The following ABCC1 variants were observed in gnomAD, a reference collection of about 807,000 sequenced individuals.
The protein encoded by ABCC1 is multidrug resistance-associated protein 1.
In ABCC1, 83 loss-of-function variants were observed where a neutral mutation model predicts 172.9. The ratio of observed to expected loss-of-function variants is 0.48; its 90% confidence interval spans 0.40 to 0.58. The LOEUF (loss-of-function observed/expected upper bound fraction) is 0.58, where lower values mean the gene tolerates loss of function less well. Ranked by LOEUF, ABCC1 falls within the 20% of genes least tolerant of loss-of-function variation. ABCC1 has a pLI of 0.00. For synonymous variants in ABCC1, 937 were observed against 825.2 expected (o/e 1.14, Z -2.32); for missense variants, 1,817 against 2,002.7 (o/e 0.91, Z 1.77).
chr16:15,999,637 AAG>A (rs2047179071), intron 1 of ABCC1, among the ~76,000 whole-genome samples: 1 of 150,296 alleles, frequency 6.7e-6, no homozygotes, highest in Non-Finnish European at 1.5e-5. Flanking sequence ...AAAATAGAAA[AAG>A]AAAAATAAAA....
intron 7 of ABCC1, among the ~76,000 whole-genome samples, chr16:16,041,581 A>G (rs1467768201): frequency 7.2e-5 from 11 of 152,018 alleles, no homozygotes; most frequent in Non-Finnish European, 1.6e-4. Flanking sequence ...GAACCTGGAG[A>G]GAGTGAGAAG....
chr16:15,958,977 C>A (rs998276037), intron 1 of ABCC1, among the ~76,000 whole-genome samples: 2 of 152,204 alleles, frequency 1.3e-5, no homozygotes, highest in Non-Finnish European at 2.9e-5. Context: ...GTTGTGACAA[C>A]CGAAAATGCC....
rs746264022 is a variant in ABCC1, at chr16:16,083,494, A to G, written c.2244A>G (p.Pro748=). ...TGATACAGGCCTGTGCCCTCCTCCC[A>G]GACCTGGAAATCCTGCCCAGTGGGG... is the stretch of plus-strand genomic sequence containing the variant. The part of the protein sequence containing the change: ...RSVIQACALL[P]DLEILPSGDR... Residue 748 remains proline (P), a synonymous_variant, in exon 17 of 31, where the codon CCA becomes CCG. Transcript: ENST00000399410. The G allele has an allele frequency of 2.5e-6, 4 of 1,613,762 alleles. No homozygotes were observed. Among genetic ancestry groups the G allele is most frequent in the Admixed American group, 1.7e-5 (1 of 60,002 alleles).
intron 1 of ABCC1, among the ~76,000 whole-genome samples, chr16:15,993,359 T>G (rs2046940521): frequency 6.6e-6 from 1 of 152,138 alleles, no homozygotes; most frequent in Admixed American, 6.6e-5. Flanking sequence ...CTGATAACTC[T>G]CTAAACTCTG....
At chr16:15,960,910 G>A (rs28435381) in intron 1 of ABCC1, among the ~76,000 whole-genome samples, 3,257 of 151,952 alleles carry the variant, frequency 0.021, 91 homozygotes, top group African/African-American at 0.067. Context: ...CAGGGAAGGC[G>A]CTTACCAGCT....
intron 1 of ABCC1, among the ~76,000 whole-genome samples, chr16:15,971,544 A>G (rs215088): frequency 0.66 from 99,961 of 151,994 alleles, 33,476 homozygotes; most frequent in South Asian, 0.78. Context: ...CTTAACTCCT[A>G]CATTACCCCC....
In ABCC1 at chr16:15,949,661, T is replaced by C; in HGVS notation, c.-91T>C. 1 of 717,238 alleles carries C rather than the reference T, an allele frequency of 1.4e-6. No homozygotes were observed. Among genetic ancestry groups the C allele is most frequent in the Non-Finnish European group, 1.7e-6 (1 of 600,696 alleles). 44.4% of individuals were successfully genotyped at this position (717,238 alleles called of 1,614,324 possible). A position where few individuals can be genotyped will look rare whatever the true frequency, so the allele number is the denominator to read the frequency against. ...CGCTAGCGCCAGCAGCCGGGCCCGA[T>C]CACCCGCCGCCCGGTGCCCGCCGCC... On this transcript the variant is annotated 5_prime_UTR_variant, in exon 1 of 31. Transcript: ENST00000399410.
intron 14 of ABCC1, among the ~76,000 whole-genome samples, chr16:16,073,040 C>CAA (rs5815853): frequency 0.032 from 3,741 of 115,708 alleles, 78 homozygotes; most frequent in African/African-American, 0.054. Context: ...GACTTCATCT[C>CAA]AAAAAAAAAA....
At chr16:16,061,327 C>T (rs956100857) in intron 12 of ABCC1, among the ~76,000 whole-genome samples, 1 of 152,234 alleles carries the variant, frequency 6.6e-6, no homozygotes, top group African/African-American at 2.4e-5. Context: ...CACGTGGCCA[C>T]CTCAGCCTGC....
intron 1 of ABCC1, among the ~76,000 whole-genome samples, chr16:15,969,768 G>T (rs1472815608): frequency 6.6e-6 from 1 of 151,944 alleles, no homozygotes; most frequent in Non-Finnish European, 1.5e-5. Context: ...ACCCTCTCAG[G>T]AGCTCTTTGC....
intron 18 of ABCC1, among the ~76,000 whole-genome samples, chr16:16,089,153 A>C (rs1265795546): frequency 6.6e-6 from 1 of 152,186 alleles, no homozygotes; most frequent in African/African-American, 2.4e-5. Context: ...AGTTTGATGA[A>C]TGTCTTCCCA....
chr16:16,095,547 T>C (rs3851714), intron 19 of ABCC1, among the ~76,000 whole-genome samples: 123,430 of 152,178 alleles, frequency 0.81, 50,222 homozygotes, highest in Non-Finnish European at 0.85. Flanking sequence ...GGAATCCCCT[T>C]GCCAGGACAT....
At position 16,107,244 on chromosome 16, in the gene ABCC1, G is replaced by A. The variant is rs571502849; in HGVS notation, c.2871+371G>A. Among the ~76,000 whole-genome samples the A allele has an allele frequency of 4.6e-5, 7 of 152,244 alleles. No homozygotes were observed. The South Asian group carries it at 1.5e-3, about 32-fold the overall frequency. ...TGTGCATGAGATGGTGTCCGGTTGT[G>A]CACAGACGCATTAAATGACAGAGGA... On this transcript the variant is annotated intron_variant, in intron 21 of 30. Transcript: ENST00000399410.
At chr16:16,076,243 C>T in intron 14 of ABCC1, 83 bp from the exon 15 acceptor site, 1 of 1,368,036 alleles carries the variant, frequency 7.3e-7, no homozygotes, top group Middle Eastern at 1.8e-4. Context: ...GGGGTTGAAC[C>T]ATTCAAGCAG....
chr16:16,034,619 G>A lies in ABCC1; in HGVS notation c.677+1449G>A, dbSNP rs544705632. On this transcript the variant is annotated intron_variant, in intron 6 of 30. Transcript: ENST00000399410. ...TTTTTTTTTTTTGAGATGGAGTCTT[G>A]CTCTGTCATCCAGGGTGCAGTGCAG... 1.0e-3 allele frequency among the ~76,000 whole-genome samples: 117 copies of A among 111,662 alleles called. 1 individual carries two copies. The highest frequency in any genetic ancestry group is 8.3e-5 in the Non-Finnish European group (5 of 60,032). The allele number at this position is 111,662 out of a possible 152,430, so 73.3% of individuals were successfully genotyped here.
intron 2 of ABCC1, 25 bp downstream of exon 2, chr16:16,008,017 T>TG (rs750763251): frequency 4.1e-6 from 2 of 482,708 alleles, no homozygotes; most frequent in South Asian, 1.9e-5. Flanking sequence ...GGTTTCGTTG[T>TG]GGGGGGTGGG....
chr16:16,134,647 T>A, intron 28 of ABCC1, 139 bp downstream of exon 28: 2 of 1,037,918 alleles, frequency 1.9e-6, no homozygotes, highest in Non-Finnish European at 2.7e-6. Flanking sequence ...TTTTTTTTTT[T>A]TTTTCCTGAA....
intron 12 of ABCC1, among the ~76,000 whole-genome samples, chr16:16,062,777 A>C (rs45492694): frequency 0.067 from 10,155 of 152,284 alleles, 457 homozygotes; most frequent in Non-Finnish European, 0.1. Flanking sequence ...ACCCAGCGGT[A>C]GGTGTGATGG....
chr16:16,029,405 T>C (rs2151818415), intron 5 of ABCC1, among the ~76,000 whole-genome samples: 1 of 152,172 alleles, frequency 6.6e-6, no homozygotes, highest in East Asian at 1.9e-4. Context: ...ATATTTTTTG[T>C]AGAGACAGGG....
Sources: allele counts gnomAD v4.1 joint callset (sites outside exome capture counted in the v4.1 genomes callset), GRCh38; gene constraint gnomAD v4.1.1; transcripts MANE v1.5; gene names NCBI Gene and HGNC (gene_info 2026-07-23, HGNC 2026-07-21).